The following LPP variants were observed in gnomAD, a reference collection of about 807,000 sequenced individuals.
LPP encodes the protein lipoma-preferred partner.
LPP carries 38 observed loss-of-function variants against 60.4 expected under a neutral mutation model. That is an observed-to-expected ratio of 0.63 (90% CI 0.49 to 0.83). The LOEUF (loss-of-function observed/expected upper bound fraction) is 0.83. LPP is among the 40% of genes least tolerant of loss of function. LPP has a pLI of 0.00. For synonymous variants in LPP, 328 were observed against 290.8 expected (o/e 1.13, Z -1.30); for missense variants, 902 against 783.6 (o/e 1.15, Z -1.80).
intron 3 of LPP, among the ~76,000 whole-genome samples, chr3:188,382,543 T>C (rs1777180244): frequency 6.6e-6 from 1 of 152,220 alleles, no homozygotes; most frequent in Non-Finnish European, 1.5e-5. Context: ...AATACTTTTT[T>C]CTACATTTAC....
At chr3:188,411,006 C>T (rs73192661) in intron 4 of LPP, among the ~76,000 whole-genome samples, 51,791 of 151,988 alleles carry the variant, frequency 0.34, 10,621 homozygotes, top group Middle Eastern at 0.6. Flanking sequence ...TCCTGAGTTA[C>T]GTTTAGAATA....
At chr3:188,409,088 G>GTATGCAT (rs1484564073) in intron 4 of LPP, among the ~76,000 whole-genome samples, 19 of 152,174 alleles carry the variant, frequency 1.2e-4, no homozygotes, top group African/African-American at 4.6e-4. Flanking sequence ...GTGTTCTTAT[G>GTATGCAT]TATGCATATA....
intron 2 of LPP, among the ~76,000 whole-genome samples, chr3:188,291,088 C>T (rs1357586254): frequency 2.0e-5 from 3 of 152,130 alleles, no homozygotes; most frequent in African/African-American, 7.2e-5. Context: ...AGTAAGAATA[C>T]ACTGAATGAT....
At chr3:188,535,014 T>G (rs1274801644) in intron 6 of LPP, among the ~76,000 whole-genome samples, 1 of 152,002 alleles carries the variant, frequency 6.6e-6, no homozygotes, top group Non-Finnish European at 1.5e-5. Flanking sequence ...ACATATTTCC[T>G]TATGAATCTG....
At chr3:188,773,300 C>T (rs867501494) in intron 9 of LPP, among the ~76,000 whole-genome samples, 14 of 152,212 alleles carry the variant, frequency 9.2e-5, no homozygotes, top group Middle Eastern at 3.4e-3. Context: ...TATAGCAAGA[C>T]AGGTGCTTTT....
intron 4 of LPP, among the ~76,000 whole-genome samples, chr3:188,462,670 A>T (rs1799438449): frequency 7.2e-6 from 1 of 138,056 alleles, no homozygotes; most frequent in Non-Finnish European, 1.5e-5. Flanking sequence ...ATTTTGTTCC[A>T]ATTTAGAAGC....
chr3:188,460,512 C>T (rs1798739125), intron 4 of LPP, among the ~76,000 whole-genome samples: 1 of 152,170 alleles, frequency 6.6e-6, no homozygotes, highest in African/African-American at 2.4e-5. Flanking sequence ...ACAGAATTCT[C>T]TTTAATCTTT....
At chr3:188,844,199 AT>A in intron 9 of LPP, among the ~76,000 whole-genome samples, 1 of 152,120 alleles carries the variant, frequency 6.6e-6, no homozygotes, top group African/African-American at 2.4e-5. Flanking sequence ...CTGTTGACTT[AT>A]TTTCTTTCTT....
chr3:188,486,373 C>T (rs993945388), intron 5 of LPP, among the ~76,000 whole-genome samples: 5 of 152,036 alleles, frequency 3.3e-5, no homozygotes, highest in Admixed American at 6.5e-5. Context: ...CCTCAGGGAA[C>T]GTAAAAGTTA....
intron 7 of LPP, among the ~76,000 whole-genome samples, chr3:188,679,094 G>A (rs1464639824): frequency 6.6e-6 from 1 of 152,224 alleles, no homozygotes; most frequent in Non-Finnish European, 1.5e-5. Context: ...GGAAGAAGCA[G>A]TGCTGGGCAG....
intron 8 of LPP, among the ~76,000 whole-genome samples, chr3:188,757,412 A>G (rs904024851): frequency 5.9e-5 from 9 of 152,178 alleles, no homozygotes; most frequent in African/African-American, 2.2e-4. Flanking sequence ...GATCCTCATG[A>G]GTAGCTATCA....
rs371370627 is a variant in LPP at position 188,803,854 on chromosome 3, GT to G, written c.1410+43576del. On this transcript the variant is annotated intron_variant, in intron 9 of 11. Transcript: ENST00000617246. ...CAGTTTTTACAAAAATCCTTCTGGGGTTTTGATTAGAATTGTTGAATGTAGG... is the reference window on the plus strand; with the variant it reads ...CAGTTTTTACAAAAATCCTTCTGGGGTTTGATTAGAATTGTTGAATGTAGG... 2.0e-4 allele frequency among the ~76,000 whole-genome samples: 31 copies of G among 152,212 alleles called. 1 individual carries two copies. In the East Asian group the frequency reaches 3.7e-3, roughly 18 times the overall value.
intron 6 of LPP, among the ~76,000 whole-genome samples, chr3:188,534,090 G>C (rs116324780): frequency 0.018 from 2,772 of 152,278 alleles, 36 homozygotes; most frequent in South Asian, 0.049. Context: ...ATTTGTCCCA[G>C]TGTAAGAGCT....
intron 2 of LPP, among the ~76,000 whole-genome samples, chr3:188,226,134 G>A (rs969631892): frequency 1.8e-4 from 27 of 151,928 alleles, no homozygotes; most frequent in Admixed American, 1.7e-3. Context: ...TCAGCCTCCC[G>A]AGCAGCTGGG....
chr3:188,526,417 G>A (rs1240631449), intron 6 of LPP, among the ~76,000 whole-genome samples: 2 of 151,956 alleles, frequency 1.3e-5, no homozygotes, highest in East Asian at 1.9e-4. Flanking sequence ...TCAGCCTCCC[G>A]AGTAGCTGGG....
intron 3 of LPP, among the ~76,000 whole-genome samples, chr3:188,403,227 CTTACA>C (rs948218988): frequency 5.4e-4 from 82 of 152,240 alleles, no homozygotes; most frequent in African/African-American, 1.9e-3. Flanking sequence ...CATATTGATA[CTTACA>C]TTTTATTTAT....
At chr3:188,624,428 A>G (rs978837104) in intron 7 of LPP, among the ~76,000 whole-genome samples, 1 of 152,232 alleles carries the variant, frequency 6.6e-6, no homozygotes, top group African/African-American at 2.4e-5. Flanking sequence ...AGAGAGGATT[A>G]AATAAACATC....
rs149694294 is a variant in LPP, at chr3:188,658,535, C to T, written c.1113+48691C>T. On this transcript the variant is annotated intron_variant, in intron 7 of 11. Coordinates refer to ENST00000617246, the MANE Select transcript of LPP (RefSeq NM_001375462.1). ...TCTCCACTCTCTCAATCCTACTTCA[C>T]GAAAGACACTCTTGGCTGCTTCTTC... Among the ~76,000 whole-genome samples, 539 of 152,300 alleles carry T rather than the reference C, an allele frequency of 3.5e-3. 2 individuals carry two copies. Among genetic ancestry groups the T allele is most frequent in the African/African-American group, 0.012 (483 of 41,572 alleles).
chr3:188,732,833 T>C (rs1240730618), intron 8 of LPP, among the ~76,000 whole-genome samples: 1 of 152,100 alleles, frequency 6.6e-6, no homozygotes, highest in Non-Finnish European at 1.5e-5. Flanking sequence ...TCTTAGAGTA[T>C]TGGGGTATAA....
Sources: allele counts gnomAD v4.1 joint callset (sites outside exome capture counted in the v4.1 genomes callset), GRCh38; gene constraint gnomAD v4.1.1; transcripts MANE v1.5; gene names NCBI Gene and HGNC (gene_info 2026-07-23, HGNC 2026-07-21).